GPC4: variants seen among roughly 807,000 people sequenced by gnomAD.
GPC4 encodes the protein glypican 4.
In GPC4, 10 loss-of-function variants were observed where a neutral mutation model predicts 35.0. The observed-to-expected ratio is 0.29, with a 90% CI of 0.18 to 0.48. The LOEUF is 0.48. GPC4 is among the 20% of genes least tolerant of loss of function. GPC4 has a pLI of 0.99. For synonymous variants in GPC4, 167 were observed against 170.2 expected, an observed-to-expected ratio of 0.98 and a Z score of 0.15; for missense variants, 322 against 451.3, an observed-to-expected ratio of 0.71 and a Z score of 2.60.
chrX:133,339,303 A>T lies in GPC4; in HGVS notation c.199T>A (p.Cys67Ser). The stretch of plus-strand genomic sequence containing the variant: ...TACTTCTCCTCCATCTCTTGAGAGC[A>T]GCAGGTAGAACCCTGGGGACAGATC... ...LKICPQGSTC[C>S]SQEMEEKYSL... The change falls in exon 2 of 9, where the codon TGC becomes AGC. Residue 67 changes from cysteine to serine, a missense_variant. Coordinates refer to ENST00000370828, the MANE Select transcript of GPC4 (RefSeq NM_001448.3). 1 of 1,210,990 alleles carries T rather than the reference A, an allele frequency of 8.3e-7. No individual in the cohort carries two copies. The highest frequency in any genetic ancestry group is 1.1e-6 in the Non-Finnish European group (1 of 894,850).
At chrX:133,322,531 G>A (rs1248604493) in intron 3 of GPC4, among the ~76,000 whole-genome samples, 2 of 102,905 alleles carry the variant, frequency 1.9e-5, no homozygotes, top group Non-Finnish European at 3.9e-5. Context: ...CTGCACTCAA[G>A]CCTGGGCGAC....
At chrX:133,378,575 C>CAAAAAAAAAAAAAA in intron 1 of GPC4, among the ~76,000 whole-genome samples, 1 of 49,576 alleles carries the variant, frequency 2.0e-5, no homozygotes, top group Non-Finnish European at 3.6e-5. Context: ...GACTCCATTT[C>CAAAAAAAAAAAAAA]AAAAAAAAAA....
rs143690275 is a variant in GPC4, at chrX:133,383,772, G to A, written c.160+31034C>T. The stretch of plus-strand genomic sequence containing the variant: ...TGAGGCAGAAGAATTGCTTGAGCCC[G>A]GGAGGCTAAGGTTGCAGTGAGCCAA... On this transcript the variant is annotated intron_variant, in intron 1 of 8. Coordinates refer to ENST00000370828, the MANE Select transcript of GPC4 (RefSeq NM_001448.3). Among the ~76,000 whole-genome samples the A allele has an allele frequency of 4.7e-3, 524 of 111,698 alleles. 5 individuals carry two copies. The highest frequency in any genetic ancestry group is 0.016 in the African/African-American group (491 of 30,721).
chrX:133,337,866 A>G (rs950584558), intron 2 of GPC4, among the ~76,000 whole-genome samples: 3 of 110,667 alleles, frequency 2.7e-5, no homozygotes, highest in Non-Finnish European at 5.7e-5. Context: ...GCTACAGCAT[A>G]TATGTAGGGG....
intron 1 of GPC4, among the ~76,000 whole-genome samples, chrX:133,389,720 G>T (rs895105956): frequency 9.0e-6 from 1 of 110,863 alleles, no homozygotes; most frequent in Non-Finnish European, 1.9e-5. Flanking sequence ...ATTACCCAGG[G>T]TCTCTACCCA....
chrX:133,363,210 GT>G (rs1240972940), intron 1 of GPC4, among the ~76,000 whole-genome samples: 1 of 110,459 alleles, frequency 9.1e-6, no homozygotes. Context: ...GTTTTGTTTT[GT>G]TTTTTGCAGG....
intron 1 of GPC4, among the ~76,000 whole-genome samples, chrX:133,354,568 A>ATTTATTAT (rs781240039): frequency 2.1e-5 from 2 of 95,206 alleles, no homozygotes. Context: ...TTATTTATTT[A>ATTTATTAT]TTTTTTTTTT....
intron 1 of GPC4, among the ~76,000 whole-genome samples, chrX:133,392,826 C>G (rs2068725663): frequency 9.0e-6 from 1 of 110,983 alleles, no homozygotes. Flanking sequence ...CAAAATAAAG[C>G]AAGCCATGGA....
rs142826244 is a variant in GPC4 at position 133,324,210 on chromosome X, C to A, written c.646G>T (p.Val216Leu). ...CCTTGAGCGAAAGTACGGGCTGCTA[C>A]AAAAGCACGAGTAACCTGGAGCTTC... Reference protein sequence around the residue: ...KLKLQVTRAFVAARTFAQGLA... With the variant: ...KLKLQVTRAFLAARTFAQGLA... The change falls in exon 3 of 9, where the codon GTA becomes TTA. Residue 216 changes from valine (V) to leucine (L), a missense_variant. Val to Leu is a conservative substitution (Grantham distance 32, BLOSUM62 1). Around this residue, in one of 3 missense-constraint regions of GPC4, gnomAD observed 163 missense variants for 277.2 expected, o/e 0.59. Coordinates refer to ENST00000370828, the MANE Select transcript of GPC4 (RefSeq NM_001448.3). 2.0e-4 allele frequency: 244 copies of A among 1,209,866 alleles called. No individual in the cohort carries two copies. Among genetic ancestry groups the A allele is most frequent in the Non-Finnish European group, 8.8e-5 (79 of 895,208 alleles).
At chrX:133,322,719 C>G (rs779307367) in intron 3 of GPC4, among the ~76,000 whole-genome samples, 8 of 112,134 alleles carry the variant, frequency 7.1e-5, no homozygotes, top group Non-Finnish European at 1.1e-4. Flanking sequence ...GTTTGTAGTG[C>G]TGTCCAGTTT....
intron 1 of GPC4, among the ~76,000 whole-genome samples, chrX:133,401,075 G>C (rs1012856408): frequency 1.8e-5 from 2 of 111,295 alleles, no homozygotes; most frequent in African/African-American, 6.5e-5. Flanking sequence ...AAAGGCCCCT[G>C]AACGTGCCTG....
intron 2 of GPC4, 95 bp from the exon 3 acceptor site, chrX:133,324,631 A>G (rs1353564099): frequency 8.4e-6 from 7 of 836,280 alleles, no homozygotes; most frequent in Non-Finnish European, 9.9e-6. Context: ...AAAACTGGAA[A>G]AAAAACACAA....
chrX:133,351,101 T>C (rs1485372213), intron 1 of GPC4, among the ~76,000 whole-genome samples: 1 of 112,709 alleles, frequency 8.9e-6, no homozygotes, highest in African/African-American at 3.2e-5. Context: ...TCTTTGTTAT[T>C]TAGAAAAGTT....
chrX:133,308,112 G>A (rs2068298894), intron 4 of GPC4, among the ~76,000 whole-genome samples: 1 of 112,281 alleles, frequency 8.9e-6, no homozygotes, highest in South Asian at 3.7e-4. Context: ...CCTGGAGGAA[G>A]TCATGATTGG....
At chrX:133,312,753 T>C (rs2266794) in intron 3 of GPC4, among the ~76,000 whole-genome samples, 46,427 of 109,545 alleles carry the variant, frequency 0.42, 9,313 homozygotes, top group African/African-American at 0.78. Flanking sequence ...CATGGGGCTA[T>C]GACTGGAAGT....
At chrX:133,363,685 C>T (rs1603082642) in intron 1 of GPC4, among the ~76,000 whole-genome samples, 1 of 111,260 alleles carries the variant, frequency 9.0e-6, no homozygotes, top group African/African-American at 3.3e-5. Context: ...ATTTAATTCA[C>T]ATATTGTACA....
intron 1 of GPC4, among the ~76,000 whole-genome samples, chrX:133,390,306 A>T (rs745464575): frequency 8.9e-6 from 1 of 111,861 alleles, no homozygotes; most frequent in South Asian, 3.8e-4. Flanking sequence ...GAATTAGCGT[A>T]TTAACTAATG....
chrX:133,309,253 T>C (rs1486720233), intron 4 of GPC4, among the ~76,000 whole-genome samples: 3 of 112,177 alleles, frequency 2.7e-5, no homozygotes, highest in Non-Finnish European at 5.6e-5. Context: ...TTAAAATAAC[T>C]AGGGAAAAAT....
At chrX:133,373,950 A>C (rs188013553) in intron 1 of GPC4, among the ~76,000 whole-genome samples, 1 of 110,897 alleles carries the variant, frequency 9.0e-6, no homozygotes, top group Non-Finnish European at 1.9e-5. Flanking sequence ...CTAGGGCAGA[A>C]AGAGAGGGAG....
Sources: gnomAD v4.1 joint callset for allele counts (sites outside exome capture counted in the v4.1 genomes callset) on GRCh38, gnomAD v4.1.1 for gene constraint, gnomAD v4.1.1 regional missense constraint, MANE v1.5 for transcripts, NCBI Gene and HGNC (gene_info 2026-07-23, HGNC 2026-07-21) for gene names.